Variants in MGAT4C observed in about 807,000 individuals in gnomAD.
MGAT4C encodes alpha-1,3-mannosyl-glycoprotein 4-beta-N-acetylglucosaminyltransferase C.
In MGAT4C, 19 loss-of-function variants were observed where a neutral mutation model predicts 40.1. That is an observed-to-expected ratio of 0.47 (90% CI 0.33 to 0.70). MGAT4C has a LOEUF of 0.70. Among genes scored for constraint, MGAT4C ranks in the 30% least tolerant of loss-of-function variants. MGAT4C has a pLI of 0.02. For synonymous variants in MGAT4C, 181 were observed against 187.1 expected, an observed-to-expected ratio of 0.97 and a Z score of 0.27; for missense variants, 491 against 563.2, an observed-to-expected ratio of 0.87 and a Z score of 1.30.
At chr12:86,462,975 C>CCTCAA (rs968937658) in intron 2 of MGAT4C, among the ~76,000 whole-genome samples, 9 of 23,958 alleles carry the variant, frequency 3.8e-4, no homozygotes, top group African/African-American at 6.3e-4. Context: ...ACTTTCCATC[C>CCTCAA]TTCAATCAAG....
At chr12:86,161,149 A>C (rs1231061876) in intron 1 of MGAT4C, among the ~76,000 whole-genome samples, 2 of 152,122 alleles carry the variant, frequency 1.3e-5, no homozygotes, top group Non-Finnish European at 2.9e-5. Context: ...ACGGAATTAG[A>C]AAAAATGATT....
intron 2 of MGAT4C, among the ~76,000 whole-genome samples, chr12:86,691,743 G>A (rs562176280): frequency 3.3e-5 from 5 of 151,636 alleles, no homozygotes; most frequent in East Asian, 3.9e-4. Context: ...GACATACAAC[G>A]TATCCAAACA....
chr12:86,265,377 A>C (rs1165862927), intron 4 of MGAT4C, among the ~76,000 whole-genome samples: 1 of 152,134 alleles, frequency 6.6e-6, no homozygotes, highest in Non-Finnish European at 1.5e-5. Context: ...ATTTTTCTTC[A>C]TGTGGCCATT....
intron 2 of MGAT4C, among the ~76,000 whole-genome samples, chr12:86,631,048 T>C (rs989268635): frequency 3.3e-5 from 5 of 152,106 alleles, no homozygotes; most frequent in Admixed American, 6.6e-5. Context: ...TAAGCAACTT[T>C]AGCAAAGTCT....
At chr12:86,212,269 C>T (rs1950502451) in intron 1 of MGAT4C, among the ~76,000 whole-genome samples, 1 of 152,096 alleles carries the variant, frequency 6.6e-6, no homozygotes, top group African/African-American at 2.4e-5. Flanking sequence ...ATCTACTCCA[C>T]CCAAAGGCAG....
chr12:86,765,016 G>A (rs1052991348), intron 1 of MGAT4C, among the ~76,000 whole-genome samples: 1 of 152,208 alleles, frequency 6.6e-6, no homozygotes, highest in African/African-American at 2.4e-5. Context: ...GCTGGACGGA[G>A]AATGACTTTG....
intron 2 of MGAT4C, among the ~76,000 whole-genome samples, chr12:86,006,389 C>T (rs1887879701): frequency 6.6e-6 from 1 of 152,258 alleles, no homozygotes; most frequent in African/African-American, 2.4e-5. Flanking sequence ...TTCCTGACTG[C>T]TAACCCATCC....
intron 1 of MGAT4C, among the ~76,000 whole-genome samples, chr12:86,804,194 C>G (rs1389905759): frequency 6.7e-6 from 1 of 148,840 alleles, no homozygotes; most frequent in East Asian, 2.0e-4. Flanking sequence ...CATATTCTCA[C>G]TCATAGGTGG....
intron 2 of MGAT4C, among the ~76,000 whole-genome samples, chr12:86,705,939 G>A (rs1411401821): frequency 6.6e-6 from 1 of 152,138 alleles, no homozygotes; most frequent in African/African-American, 2.4e-5. Context: ...TGTGATTGAA[G>A]TTCTCTTAAA....
At chr12:86,477,367 C>A (rs531173560) in intron 2 of MGAT4C, among the ~76,000 whole-genome samples, 1 of 151,822 alleles carries the variant, frequency 6.6e-6, no homozygotes, top group Non-Finnish European at 1.5e-5. Flanking sequence ...ATATTGAGTT[C>A]TCATGGGCAT....
intron 1 of MGAT4C, among the ~76,000 whole-genome samples, chr12:86,079,315 G>T (rs1870387632): frequency 6.6e-6 from 1 of 152,186 alleles, no homozygotes; most frequent in South Asian, 2.1e-4. Context: ...TCTTAGAGTT[G>T]TAAAGGGCCC....
At chr12:86,127,757 A>G (rs1880514628) in intron 1 of MGAT4C, among the ~76,000 whole-genome samples, 1 of 152,170 alleles carries the variant, frequency 6.6e-6, no homozygotes, top group Admixed American at 6.5e-5. Context: ...TTAGCCTAGT[A>G]TGAAACAGGG....
intron 1 of MGAT4C, among the ~76,000 whole-genome samples, chr12:86,107,724 G>A (rs1275243387): frequency 6.6e-6 from 1 of 152,050 alleles, no homozygotes; most frequent in Non-Finnish European, 1.5e-5. Flanking sequence ...TCTGGTTACT[G>A]GCAGAACCAA....
intron 2 of MGAT4C, among the ~76,000 whole-genome samples, chr12:86,528,668 G>T (rs945865282): frequency 1.3e-5 from 2 of 151,900 alleles, no homozygotes; most frequent in Non-Finnish European, 2.9e-5. Context: ...TGAAAATTTT[G>T]TGTTTCTGTT....
rs551956238 is a variant in MGAT4C at position 86,250,437 on chromosome 12, A to G, written c.-57+5802T>C. 4.6e-5 allele frequency among the ~76,000 whole-genome samples: 7 copies of G among 152,132 alleles called. No homozygotes were observed. In the South Asian group the frequency reaches 1.5e-3, roughly 32 times the overall value. On this transcript the variant is annotated intron_variant, in intron 1 of 4. Transcript: ENST00000611864. Reference sequence around the variant, plus strand: ...TTAAGAATACAGAACGTCATGAGTAAAGAAGAACTGAAAAACTTTAACTCA... The same window carrying G: ...TTAAGAATACAGAACGTCATGAGTAGAGAAGAACTGAAAAACTTTAACTCA...
chr12:86,749,768 C>T (rs1242361315), intron 1 of MGAT4C, among the ~76,000 whole-genome samples: 1 of 151,612 alleles, frequency 6.6e-6, no homozygotes, highest in Non-Finnish European at 1.5e-5. Context: ...TGACTTCTAC[C>T]TTTTTGAGGG....
At chr12:86,047,089 C>G (rs1892469444) in intron 2 of MGAT4C, among the ~76,000 whole-genome samples, 1 of 152,158 alleles carries the variant, frequency 6.6e-6, no homozygotes, top group Admixed American at 6.6e-5. Flanking sequence ...CAAAACAAAG[C>G]CCTTTGGAGT....
chr12:86,046,056 C>T (rs966684216), intron 2 of MGAT4C, among the ~76,000 whole-genome samples: 2 of 152,166 alleles, frequency 1.3e-5, no homozygotes, highest in Non-Finnish European at 2.9e-5. Flanking sequence ...CATGTCCCTA[C>T]AGATTTCTGT....
chr12:86,020,750 C>A (rs1889626148), intron 2 of MGAT4C, among the ~76,000 whole-genome samples: 1 of 152,130 alleles, frequency 6.6e-6, no homozygotes, highest in Admixed American at 6.5e-5. Flanking sequence ...TCTAATTAAA[C>A]TAAAGAGCTT....
Sources: gnomAD v4.1 joint callset for allele counts (sites outside exome capture counted in the v4.1 genomes callset) on GRCh38, gnomAD v4.1.1 for gene constraint, MANE v1.5 for transcripts, NCBI Gene and HGNC (gene_info 2026-07-23, HGNC 2026-07-21) for gene names.